Variants in BTAF1 observed in about 807,000 individuals in gnomAD.
BTAF1 encodes the protein TATA-binding protein-associated factor 172.
A neutral mutation model predicts 227.1 loss-of-function variants in BTAF1; 38 were observed. The observed-to-expected ratio is 0.17, with a 90% CI of 0.13 to 0.22. The LOEUF (loss-of-function observed/expected upper bound fraction) is 0.22. Ranked by LOEUF, BTAF1 falls within the 10% of genes least tolerant of loss-of-function variation. The pLI is 1.00. For missense variants in BTAF1, 1,598 were observed against 2,204.0 expected (o/e 0.73, Z 5.51); for synonymous variants, 742 against 751.9 (o/e 0.99, Z 0.21).
chr10:91,961,779 T>G (rs968741236), intron 11 of BTAF1, among the ~76,000 whole-genome samples: 3 of 152,196 alleles, frequency 2.0e-5, no homozygotes, highest in African/African-American at 7.2e-5. Flanking sequence ...GAGTAATGTC[T>G]GGGGCCTGGT....
chr10:91,960,237 G>C (rs914929011), intron 11 of BTAF1, 83 bp downstream of exon 11: 1 of 1,402,320 alleles, frequency 7.1e-7, no homozygotes, highest in Non-Finnish European at 9.7e-7. Flanking sequence ...CGAAATGGCC[G>C]TAGATTCTTA....
intron 26 of BTAF1, 70 bp downstream of exon 26, chr10:92,008,345 G>C (rs1213704332): frequency 1.4e-6 from 2 of 1,380,782 alleles, no homozygotes; most frequent in Non-Finnish European, 1.9e-6. Flanking sequence ...GTTGGGGGGG[G>C]CTTTTGTTTC....
At chr10:91,992,407 T>C (rs1848855033) in intron 21 of BTAF1, 98 bp downstream of exon 21, 1 of 1,174,984 alleles carries the variant, frequency 8.5e-7, no homozygotes, top group Non-Finnish European at 1.2e-6. Context: ...GAGTTGTTTT[T>C]AAGTAAAGAA....
chr10:91,953,879 A>C lies in BTAF1; in HGVS notation c.701+6A>C. 6.2e-7 allele frequency: 1 copy of C among 1,613,138 alleles called. No individual in the cohort carries two copies. The highest frequency in any genetic ancestry group is 8.5e-7 in the Non-Finnish European group (1 of 1,179,648). On this transcript the variant is annotated splice_donor_region_variant and intron_variant, in intron 6 of 37. Transcript: ENST00000265990. ...GTGGAAACTAATGAGAAGAGGTAGT[A>C]ATCTTTTTTTGCCTATTCACTTAAA...
At chr10:92,010,336 T>A (rs1303641990) in intron 28 of BTAF1, among the ~76,000 whole-genome samples, 1 of 152,188 alleles carries the variant, frequency 6.6e-6, no homozygotes, top group East Asian at 1.9e-4. Context: ...TGATAGAAAT[T>A]CAACTCAATT....
chr10:91,981,848 G>T (rs1589869750), intron 16 of BTAF1, 56 bp downstream of exon 16: 1 of 1,527,468 alleles, frequency 6.5e-7, no homozygotes, highest in South Asian at 1.3e-5. Context: ...TATTAATACA[G>T]TAACCATATT....
chr10:91,930,602 A>G (rs1844206270), intron 1 of BTAF1, among the ~76,000 whole-genome samples: 1 of 152,156 alleles, frequency 6.6e-6, no homozygotes. Flanking sequence ...CCACAACATG[A>G]CCTAGAAAGT....
chr10:91,951,662 T>G lies in BTAF1; in HGVS notation c.564+96T>G, dbSNP rs1589791218. On this transcript the variant is annotated intron_variant, in intron 5 of 37. Coordinates refer to ENST00000265990, the MANE Select transcript of BTAF1 (RefSeq NM_003972.3). Reference sequence around the variant, plus strand: ...TTATAGTTTAAGAAAATGTTATACTTAGCTCTGTTCATTGCTGCTTAGTGC... The same window carrying G: ...TTATAGTTTAAGAAAATGTTATACTGAGCTCTGTTCATTGCTGCTTAGTGC... 10 of 1,321,724 alleles carry G rather than the reference T, an allele frequency of 7.6e-6. No homozygotes were observed. In the East Asian group the frequency reaches 2.4e-4, roughly 32 times the overall value. The allele number at this position is 1,321,724 out of a possible 1,614,324, so 81.9% of individuals were successfully genotyped here.
chr10:92,002,313 C>G (rs777855796), intron 25 of BTAF1, among the ~76,000 whole-genome samples: 1 of 152,126 alleles, frequency 6.6e-6, no homozygotes, highest in Admixed American at 6.6e-5. Flanking sequence ...TGCATGTTGT[C>G]AAAGAATCTT....
intron 2 of BTAF1, among the ~76,000 whole-genome samples, chr10:91,937,075 A>G (rs942650521): frequency 6.6e-6 from 1 of 150,948 alleles, no homozygotes; most frequent in African/African-American, 2.4e-5. Flanking sequence ...GCTTACTGCA[A>G]CCTCTGCCTC....
chr10:91,999,407 T>G (rs1245059553), intron 25 of BTAF1, among the ~76,000 whole-genome samples: 1 of 152,190 alleles, frequency 6.6e-6, no homozygotes, highest in East Asian at 1.9e-4. Flanking sequence ...ACTTTTTTTT[T>G]TTGAGACGGA....
rs2275546 is a variant in BTAF1 at position 91,959,028 on chromosome 10, A to G, written c.901-37A>G. On this transcript the variant is annotated intron_variant, in intron 8 of 37. Transcript: ENST00000265990. ...AAAAATCAAACTTTGTTTCTTAAAC[A>G]TTTAACATCTGACATTTGCTTCTTT... is the stretch of plus-strand genomic sequence containing the variant. 1,518 of 1,580,502 alleles carry G rather than the reference A, an allele frequency of 9.6e-4. 26 individuals carry two copies. In the East Asian group the frequency reaches 0.029, roughly 30 times the overall value.
rs142485255 is a variant in BTAF1 at position 91,942,486 on chromosome 10, T to C, written c.318T>C (p.Phe106=). 514 of 1,614,090 alleles carry C rather than the reference T, an allele frequency of 3.2e-4. No homozygotes were observed. Among genetic ancestry groups the C allele is most frequent in the Middle Eastern group, 2.6e-3 (16 of 6,062 alleles). ...PTTERLNFDR[F]DICRLLQHGA... is the part of the protein sequence containing the mutation. ...CAGAGCGATTGAATTTTGACAGATT[T>C]GATATATGTAGATTGTTACAACATG... Residue 106 remains phenylalanine, a synonymous_variant, in exon 4 of 38, where the codon TTT becomes TTC. Transcript: ENST00000265990.
chr10:91,950,491 T>C (rs1761070100), intron 4 of BTAF1, among the ~76,000 whole-genome samples: 1 of 152,194 alleles, frequency 6.6e-6, no homozygotes, highest in African/African-American at 2.4e-5. Context: ...CAAATTTTTT[T>C]CAGTAAGGTA....
At chr10:91,979,473 G>T (rs1368956451) in intron 14 of BTAF1, among the ~76,000 whole-genome samples, 2 of 152,044 alleles carry the variant, frequency 1.3e-5, no homozygotes, top group Non-Finnish European at 1.5e-5. Flanking sequence ...TTTTCCATTG[G>T]CTACAAATTA....
chr10:91,942,614 A>C (rs1845091407), intron 4 of BTAF1, 46 bp downstream of exon 4: 2 of 1,594,728 alleles, frequency 1.3e-6, no homozygotes, highest in Non-Finnish European at 1.7e-6. Flanking sequence ...GTTTTTTCAG[A>C]CTAATTTGTC....
At chr10:91,942,164 G>A (rs142847767) in intron 3 of BTAF1, among the ~76,000 whole-genome samples, 1 of 152,158 alleles carries the variant, frequency 6.6e-6, no homozygotes, top group African/African-American at 2.4e-5. Flanking sequence ...TGCACCTGTA[G>A]TCCTAGCTAC....
At chr10:92,003,200 C>CG (rs1350179153) in intron 25 of BTAF1, among the ~76,000 whole-genome samples, 1 of 150,506 alleles carries the variant, frequency 6.6e-6, no homozygotes, top group African/African-American at 2.4e-5. Flanking sequence ...TGTTTTGAAA[C>CG]GTATCAGACC....
chr10:91,977,148 G>A (rs1473204182), intron 14 of BTAF1, among the ~76,000 whole-genome samples: 2 of 152,120 alleles, frequency 1.3e-5, no homozygotes, highest in Non-Finnish European at 2.9e-5. Context: ...TTTGGTGGAG[G>A]GCAACATGGA....
Sources: allele counts gnomAD v4.1 joint callset (sites outside exome capture counted in the v4.1 genomes callset), GRCh38; gene constraint gnomAD v4.1.1; transcripts MANE v1.5; gene names NCBI Gene and HGNC (gene_info 2026-07-23, HGNC 2026-07-21).